The following SHQ1 variants were observed in gnomAD, a reference collection of about 807,000 sequenced individuals.
SHQ1 encodes SHQ1, H/ACA ribonucleoprotein assembly factor, also known as protein SHQ1 homolog.
A neutral mutation model predicts 53.8 loss-of-function variants in SHQ1; 49 were observed. That is an observed-to-expected ratio of 0.91 (90% confidence interval 0.72 to 1.16). SHQ1 has a LOEUF of 1.16. SHQ1 is among the 50% of genes most tolerant of loss of function. The pLI is 0.00. For synonymous variants in SHQ1, 243 were observed against 251.0 expected, an observed-to-expected ratio of 0.97 and a Z score of 0.30; for missense variants, 738 against 683.1, an observed-to-expected ratio of 1.08 and a Z score of -0.90.
intron 4 of SHQ1, among the ~76,000 whole-genome samples, chr3:72,836,428 G>A (rs904911076): frequency 6.6e-6 from 1 of 152,048 alleles, no homozygotes; most frequent in Non-Finnish European, 1.5e-5. Flanking sequence ...GGCGGAGCTT[G>A]CAGTGAGCTG....
intron 5 of SHQ1, among the ~76,000 whole-genome samples, chr3:72,832,097 T>C (rs1485615396): frequency 1.3e-5 from 2 of 152,224 alleles, no homozygotes; most frequent in African/African-American, 2.4e-5. Flanking sequence ...TTCAGTATTA[T>C]ATTTTTAAGC....
chr3:72,829,239 G>A (rs1231646380), intron 5 of SHQ1, among the ~76,000 whole-genome samples: 1 of 152,164 alleles, frequency 6.6e-6, no homozygotes, highest in Non-Finnish European at 1.5e-5. Context: ...TGGACATGTT[G>A]AACAGAGGAG....
intron 10 of SHQ1, among the ~76,000 whole-genome samples, chr3:72,776,562 AC>A (rs1705960897): frequency 6.6e-6 from 1 of 152,222 alleles, no homozygotes; most frequent in African/African-American, 2.4e-5. Flanking sequence ...TGTACTTTAA[AC>A]AGGCAGTTTG....
chr3:72,824,280 T>A, intron 6 of SHQ1, 144 bp downstream of exon 6: 1 of 965,750 alleles, frequency 1.0e-6, no homozygotes, highest in East Asian at 3.1e-5. Flanking sequence ...GGCAAAGAAG[T>A]CATTTCCAAA....
At chr3:72,752,681 C>T (rs920528170) in intron 10 of SHQ1, among the ~76,000 whole-genome samples, 6 of 152,084 alleles carry the variant, frequency 3.9e-5, no homozygotes, top group African/African-American at 1.4e-4. Context: ...CGCGTACCAC[C>T]ATGCCCAGCT....
intron 10 of SHQ1, among the ~76,000 whole-genome samples, chr3:72,768,227 C>T (rs980368024): frequency 4.6e-5 from 7 of 152,134 alleles, no homozygotes; most frequent in African/African-American, 1.7e-4. Context: ...AATCGCTGAC[C>T]CTGCTGCAGG....
At position 72,842,090 on chromosome 3, in the gene SHQ1, G is replaced by C. The variant is rs907745922; in HGVS notation, c.331+190C>G. Among the ~76,000 whole-genome samples the C allele has an allele frequency of 5.3e-5, 8 of 152,140 alleles. No homozygotes were observed. The South Asian group carries it at 1.0e-3, about 20-fold the overall frequency. ...TTGGTCCAAAAATGTGAGTGATCTG[G>C]TTCAATAGGATTTTTAATGTCTTAA... is the stretch of plus-strand genomic sequence containing the variant. On this transcript the variant is annotated intron_variant, in intron 3 of 10. Coordinates refer to ENST00000325599, the MANE Select transcript of SHQ1 (RefSeq NM_018130.3).
At chr3:72,757,271 T>A (rs1455826233) in intron 10 of SHQ1, among the ~76,000 whole-genome samples, 3 of 152,078 alleles carry the variant, frequency 2.0e-5, no homozygotes, top group Non-Finnish European at 2.9e-5. Context: ...TCCAGACAGT[T>A]CAAACTGGAT....
chr3:72,729,887 G>A, the SHQ1 span, among the ~76,000 whole-genome samples: 30 of 151,810 alleles, frequency 2.0e-4, no homozygotes, highest in African/African-American at 6.8e-4. Context: ...GCGCGATCTC[G>A]TCTCACTGCA....
intron 4 of SHQ1, among the ~76,000 whole-genome samples, chr3:72,833,449 GATA>G (rs1707885865): frequency 4.5e-5 from 2 of 44,364 alleles, no homozygotes; most frequent in African/African-American, 3.0e-4. Flanking sequence ...AGAGATGATA[GATA>G]GATAGATAGA....
intron 10 of SHQ1, among the ~76,000 whole-genome samples, chr3:72,765,443 T>A (rs1278109176): frequency 2.1e-5 from 3 of 143,710 alleles, no homozygotes; most frequent in African/African-American, 5.2e-5. Context: ...TTTTTTTTTT[T>A]AAAGACAGTT....
At chr3:72,787,122 A>G (rs769695893) in intron 10 of SHQ1, among the ~76,000 whole-genome samples, 19 of 152,262 alleles carry the variant, frequency 1.2e-4, no homozygotes, top group Non-Finnish European at 1.6e-4. Context: ...GAAATGACAG[A>G]TAACTATCTT....
chr3:72,810,166 A>G (rs984030400), intron 9 of SHQ1, among the ~76,000 whole-genome samples: 2 of 152,228 alleles, frequency 1.3e-5, no homozygotes, highest in Admixed American at 1.3e-4. Flanking sequence ...ATGTGCCCCA[A>G]GATGACTGAT....
chr3:72,767,617 C>T (rs781419141), intron 10 of SHQ1, among the ~76,000 whole-genome samples: 3 of 152,180 alleles, frequency 2.0e-5, no homozygotes, highest in Non-Finnish European at 2.9e-5. Context: ...TAAAATCCTA[C>T]GTTCACTCTG....
chr3:72,820,549 C>T (rs1707445271), intron 6 of SHQ1, among the ~76,000 whole-genome samples: 1 of 152,106 alleles, frequency 6.6e-6, no homozygotes, highest in African/African-American at 2.4e-5. Context: ...AGCTGTAAAT[C>T]ATATCACCCA....
At chr3:72,793,506 C>G (rs76597504) in intron 9 of SHQ1, 1 of 126,412 alleles carries the variant, frequency 7.9e-6, no homozygotes, top group African/African-American at 3.1e-5. Context: ...GACTCCATCT[C>G]GAAAAAAAAA....
chr3:72,822,942 G>T (rs528838061), intron 6 of SHQ1, among the ~76,000 whole-genome samples: 1 of 152,282 alleles, frequency 6.6e-6, no homozygotes, highest in Admixed American at 6.5e-5. Context: ...AAGGTCAGGA[G>T]ATCGAGACCA....
At chr3:72,826,315 T>C (rs1183014754) in intron 5 of SHQ1, among the ~76,000 whole-genome samples, 3 of 152,230 alleles carry the variant, frequency 2.0e-5, no homozygotes, top group African/African-American at 4.8e-5. Flanking sequence ...TATCTCTTTC[T>C]CCTTAAAGTG....
At chr3:72,806,942 C>T (rs768602143) in intron 9 of SHQ1, among the ~76,000 whole-genome samples, 1 of 152,154 alleles carries the variant, frequency 6.6e-6, no homozygotes, top group Non-Finnish European at 1.5e-5. Context: ...ACACGCTCCC[C>T]GGCTAGTGAA....
Sources: allele counts gnomAD v4.1 joint callset (sites outside exome capture counted in the v4.1 genomes callset), GRCh38; gene constraint gnomAD v4.1.1; transcripts MANE v1.5; gene names NCBI Gene and HGNC (gene_info 2026-07-23, HGNC 2026-07-21).